CPSF1: variants seen among roughly 807,000 people sequenced by gnomAD.
CPSF1 encodes cleavage and polyadenylation specific factor 1, also known as cleavage and polyadenylation specificity factor subunit 1.
A neutral mutation model predicts 175.8 loss-of-function variants in CPSF1; 106 were observed. The observed-to-expected ratio is 0.60, with a 90% CI of 0.52 to 0.71. The LOEUF is 0.71. Ranked by LOEUF, CPSF1 falls within the 30% of genes least tolerant of loss-of-function variation. The pLI is 0.00. For missense variants in CPSF1, 1,734 were observed against 2,022.9 expected (o/e 0.86, Z 2.74); for synonymous variants, 1,024 against 858.3 (o/e 1.19, Z -3.37).
intron 6 of CPSF1, 45 bp from the exon 7 acceptor site, chr8:144,400,862 G>A: frequency 6.2e-7 from 1 of 1,608,118 alleles, no homozygotes; most frequent in South Asian, 1.1e-5. Context: ...GAGGCGGGGA[G>A]GGGAGCTCGG....
chr8:144,403,290 T>C (rs1821320281), intron 2 of CPSF1, among the ~76,000 whole-genome samples: 1 of 151,762 alleles, frequency 6.6e-6, no homozygotes, highest in Admixed American at 6.6e-5. Context: ...ACAGACAGGG[T>C]TTTGCCATGG....
At chr8:144,398,159 G>GCCTACCCAGGGCCCAACCA in intron 19 of CPSF1, 27 bp from the exon 20 acceptor site, 1 of 983,636 alleles carries the variant, frequency 1.0e-6, no homozygotes, top group Admixed American at 3.6e-5. Context: ...GTCAGCATGC[G>GCCTACCCAGGGCCCAACCA]CCTCCCCACC....
In CPSF1 at chr8:144,400,462, T is replaced by C; in HGVS notation, c.718A>G (p.Ile240Val). Residue 240 changes from isoleucine to valine, a missense_variant, in exon 8 of 38, where the codon ATT becomes GTT. Ile to Val is a conservative substitution (Grantham distance 29). Around this residue, in one of 10 missense-constraint regions of CPSF1, gnomAD observed 61 missense variants for 104.0 expected, o/e 0.59. Transcript: ENST00000616140. ...RVAVRQDTCS[I>V]VAISLNITQK... ...GTGATGTTCAGTGAGATGGCCACAA[T>C]GGAGCACGTGTCCTGCCGCACGGCC... The C allele has an allele frequency of 6.2e-7, 1 of 1,613,284 alleles. No homozygotes were observed. The highest frequency in any genetic ancestry group is 8.5e-7 in the Non-Finnish European group (1 of 1,179,956).
Position 144,393,584 on chromosome 8 carries a change from C to T in CPSF1, c.4152G>A (p.Leu1384=), listed in dbSNP as rs782757517. Residue 1384 remains leucine, a synonymous_variant, in exon 37 of 38, where the codon CTG becomes CTA. Coordinates refer to ENST00000616140, the MANE Select transcript of CPSF1 (RefSeq NM_013291.3). ...AGLNPRAFRM[L]HVDRRTLQNA... The stretch of plus-strand genomic sequence containing the variant: ...TCTGGAGGGTGCGGCGGTCCACGTG[C>T]AGCATCCTGGGGCGTACAGGCACAG... 67 of 1,604,214 alleles carry T rather than the reference C, an allele frequency of 4.2e-5. No individual in the cohort carries two copies. Among genetic ancestry groups the T allele is most frequent in the Middle Eastern group, 3.3e-4 (2 of 6,036 alleles).
At position 144,393,437 on chromosome 8, in the gene CPSF1, G is replaced by A. The variant is rs1253818085; in HGVS notation, c.4284+15C>T. ...CGGAGGGGCGGGGCGCGCGGGGGGC[G>A]GGGCGCGCACTCACTATGTCTGGTG... On this transcript the variant is annotated intron_variant, in intron 37 of 37. Coordinates refer to ENST00000616140, the MANE Select transcript of CPSF1 (RefSeq NM_013291.3). The A allele has an allele frequency of 1.2e-5, 18 of 1,540,388 alleles. No individual in the cohort carries two copies. The highest frequency in any genetic ancestry group is 4.1e-5 in the African/African-American group (3 of 72,708).
In CPSF1 at chr8:144,400,038, A is replaced by G. The variant is rs1421465410; in HGVS notation, c.985T>C (p.Phe329Leu). The change falls in exon 10 of 38, where the codon TTC becomes CTC. Residue 329 changes from phenylalanine to leucine, a missense_variant. Coordinates refer to ENST00000616140, the MANE Select transcript of CPSF1 (RefSeq NM_013291.3). Reference protein sequence around the residue: ...RITLDCAQATFISYDKMVISL... With the variant: ...RITLDCAQATLISYDKMVISL... ...ATGACCATCTTGTCGTAGGAGATGA[A>G]GGTGGCCTGGGCGCAGTCCAGGGTG... 2.5e-6 allele frequency: 4 copies of G among 1,609,920 alleles called. No homozygotes were observed. The highest frequency in any genetic ancestry group is 3.4e-6 in the Non-Finnish European group (4 of 1,179,678).
Position 144,393,597 on chromosome 8 carries a change from C to A in CPSF1, c.4146-7G>T. 1 of 1,601,200 alleles carries A rather than the reference C, an allele frequency of 6.2e-7. No individual in the cohort carries two copies. On this transcript the variant is annotated splice_region_variant and splice_polypyrimidine_tract_variant and intron_variant, in intron 36 of 37. Transcript: ENST00000616140. ...GCGGTCCACGTGCAGCATCCTGGGG[C>A]GTACAGGCACAGGTGTCAGGGCAGG...
chr8:144,398,292 C>T lies in CPSF1; in HGVS notation c.1894+10G>A, dbSNP rs200348237. ...CAGATGCCCAGGGCCCAACCACCCC[C>T]CCCACCTACCTCCTTCCAGCAGGCG... is the stretch of plus-strand genomic sequence containing the variant. On this transcript the variant is annotated intron_variant, in intron 19 of 37. Coordinates refer to ENST00000616140, the MANE Select transcript of CPSF1 (RefSeq NM_013291.3). 1 of 1,579,186 alleles carries T rather than the reference C, an allele frequency of 6.3e-7. No homozygotes were observed. Among genetic ancestry groups the T allele is most frequent in the Non-Finnish European group, 8.6e-7 (1 of 1,156,614 alleles).
Position 144,399,254 on chromosome 8 carries a change from G to A in CPSF1, c.1392+22C>T, listed in dbSNP as rs1269803888. 1 of 1,612,166 alleles carries A rather than the reference G, an allele frequency of 6.2e-7. No homozygotes were observed. Among genetic ancestry groups the A allele is most frequent in the Non-Finnish European group, 8.5e-7 (1 of 1,179,832 alleles). ...CGCTGGGGGCGCTGGCTGGGACGGG[G>A]GCCCTGCTGCCTCAATCTCACCTCA... On this transcript the variant is annotated intron_variant, in intron 14 of 37. Coordinates refer to ENST00000616140, the MANE Select transcript of CPSF1 (RefSeq NM_013291.3). The surrounding 1 kb of genome is among the most constrained non-coding windows in gnomAD (Gnocchi z 6.4).
At position 144,399,479 on chromosome 8, in the gene CPSF1, G is replaced by C. The variant is rs1406664070; in HGVS notation, c.1267C>G (p.Arg423Gly). The C allele has an allele frequency of 6.2e-7, 1 of 1,613,042 alleles. No individual in the cohort carries two copies. The highest frequency in any genetic ancestry group is 1.7e-5 in the Admixed American group (1 of 59,992). The change falls in exon 13 of 38, where the codon CGA becomes GGA. Residue 423 changes from arginine to glycine, a missense_variant. Arg to Gly is a moderately radical substitution (Grantham distance 125, BLOSUM62 -2). Transcript: ENST00000616140. This position sits in a 1 kb window ranked among gnomAD's most constrained non-coding sequence, Gnocchi z 6.4. ...GACCAGCCGGCCGTCGCATCCACTC[G>C]CTTCTTCTTTGAGGGAGGCTCTTCC... ...DKEEPPSKKK[R>G]VDATAGWSAA...
chr8:144,397,874 G>C lies in CPSF1; in HGVS notation c.2079C>G (p.Ser693=). The C allele has an allele frequency of 6.2e-7, 1 of 1,606,900 alleles. No homozygotes were observed. The highest frequency in any genetic ancestry group is 8.5e-7 in the Non-Finnish European group (1 of 1,176,576). The change falls in exon 21 of 38, where the codon TCC becomes TCG. Residue 693 remains serine (S), a synonymous_variant. Transcript: ENST00000616140. ...GGTACAGGCACAGCGTAATCACCTT[G>C]GACTGCTGCGGGGAGAGGGGTGGGC... ...ALHKPPLHHQ[S]KVITLCLYRD...
At chr8:144,400,135 G>GGGGGGGGCGCCCCCCC in intron 9 of CPSF1, 31 bp downstream of exon 9, 2 of 896,012 alleles carry the variant, frequency 2.2e-6, no homozygotes, top group Non-Finnish European at 3.2e-6. Context: ...CCGTCCCCGG[G>GGGGGGGGCGCCCCCCC]CCCCCCCCGC....
chr8:144,409,290 T>A lies in CPSF1; in HGVS notation c.-16A>T. On this transcript the variant is annotated splice_region_variant and 5_prime_UTR_variant, in exon 1 of 38. Transcript: ENST00000616140. The stretch of plus-strand genomic sequence containing the variant: ...TCGGCCGCCCGCCCGGCCGCCCACC[T>A]GGCAGTTGGAGCCGACTCGAGAGGA... The A allele has an allele frequency of 1.2e-6, 1 of 829,924 alleles. No individual in the cohort carries two copies. Among genetic ancestry groups the A allele is most frequent in the Non-Finnish European group, 1.6e-6 (1 of 635,470 alleles). The allele number at this position is 829,924 out of a possible 1,614,324, so 51.4% of individuals were successfully genotyped here.
rs547845799 is a variant in CPSF1, at chr8:144,396,426, G to A, written c.2901C>T (p.Ala967=). The part of the protein sequence containing the change: ...GRGALRLHPM[A]IDGPVDSFAP... ...CGAAAGAGTCGACCGGGCCGTCGAT[G>A]GCCATGGGGTGTAGCCGCAGAGCCC... Residue 967 remains alanine (A), a synonymous_variant, in exon 26 of 38, where the codon GCC becomes GCT. Coordinates refer to ENST00000616140, the MANE Select transcript of CPSF1 (RefSeq NM_013291.3). 2.5e-6 allele frequency: 4 copies of A among 1,595,120 alleles called. No homozygotes were observed. The highest frequency in any genetic ancestry group is 1.3e-5 in the African/African-American group (1 of 74,728).
At position 144,394,930 on chromosome 8, in the gene CPSF1, G is replaced by A. The variant is rs144402136; in HGVS notation, c.3366C>T (p.Ala1122=). The change falls in exon 30 of 38, where the codon GCC becomes GCT. Residue 1122 remains alanine, a synonymous_variant. Coordinates refer to ENST00000616140, the MANE Select transcript of CPSF1 (RefSeq NM_013291.3). ...CCCCCTGCATGAGGCAGGTCCCGGC[G>A]GCCACGTAGCCTTTGAGGCCCGACA... ...ETVSGLKGYV[A]AGTCLMQGEE... 598 of 1,612,756 alleles carry A rather than the reference G, an allele frequency of 3.7e-4. 1 individual carries two copies. The highest frequency in any genetic ancestry group is 3.3e-3 in the African/African-American group (247 of 75,044).
intron 2 of CPSF1, 130 bp from the exon 3 acceptor site, chr8:144,401,803 G>A: frequency 3.1e-6 from 3 of 969,630 alleles, no homozygotes; most frequent in Non-Finnish European, 4.6e-6. Flanking sequence ...CTCTGCAGCA[G>A]GGAGAAGGGC....
intron 2 of CPSF1, 64 bp downstream of exon 2, chr8:144,408,951 A>G (rs1265384700): frequency 4.0e-5 from 63 of 1,578,270 alleles, no homozygotes; most frequent in Non-Finnish European, 5.4e-5. Flanking sequence ...TTCCATCTGC[A>G]ACCGGGGGCG....
chr8:144,404,882 C>T (rs1554868570), intron 2 of CPSF1, among the ~76,000 whole-genome samples: 1 of 151,530 alleles, frequency 6.6e-6, no homozygotes, highest in African/African-American at 2.4e-5. Context: ...CGGTGAAACC[C>T]CGTCTCTACT....
chr8:144,396,025 A>T, intron 26 of CPSF1: 1 of 430,878 alleles, frequency 2.3e-6, no homozygotes, highest in Non-Finnish European at 4.2e-6. Flanking sequence ...AAAGTCACAG[A>T]GCAGCCAAGG....
Sources: allele counts gnomAD v4.1 joint callset (sites outside exome capture counted in the v4.1 genomes callset), GRCh38; gene constraint gnomAD v4.1.1; regional missense constraint gnomAD v4.1.1; non-coding constraint Gnocchi (gnomAD v3.1); transcripts MANE v1.5; gene names NCBI Gene and HGNC (gene_info 2026-07-23, HGNC 2026-07-21).